SVEP1: variants seen among roughly 807,000 people sequenced by gnomAD.
The protein encoded by SVEP1 is sushi, von Willebrand factor type A, EGF and pentraxin domain containing 1, also known as sushi, von Willebrand factor type A, EGF and pentraxin domain-containing protein 1.
Under a neutral mutation model 367.3 loss-of-function variants are expected in SVEP1, and 164 were observed. The ratio of observed to expected loss-of-function variants is 0.45; its 90% confidence interval spans 0.39 to 0.51. The LOEUF is 0.51. Among genes scored for constraint, SVEP1 ranks in the 20% least tolerant of loss-of-function variants. The pLI is 0.00. For synonymous variants in SVEP1, 1,666 were observed against 1,611.6 expected, an observed-to-expected ratio of 1.03 and a Z score of -0.81; for missense variants, 4,117 against 4,425.3, an observed-to-expected ratio of 0.93 and a Z score of 1.98.
chr9:110,515,343 C>A (rs1445709912), intron 3 of SVEP1, among the ~76,000 whole-genome samples: 1 of 145,808 alleles, frequency 6.9e-6, no homozygotes, highest in African/African-American at 2.6e-5. Flanking sequence ...CTCTGTCCCC[C>A]AGGCTGGAGT....
At chr9:110,390,037 A>G (rs920982277) in intron 40 of SVEP1, among the ~76,000 whole-genome samples, 43 of 103,726 alleles carry the variant, frequency 4.1e-4, no homozygotes, top group Middle Eastern at 4.8e-3. Context: ...GTATATATAT[A>G]TAAGTATATA....
Position 110,503,122 on chromosome 9 carries a change from C to G in SVEP1, c.1399G>C (p.Asp467His). ...LYKTTCLVAC[D>H]EGYRLEGSDK... is the part of the protein sequence containing the mutation. ...CTGCCTTCTAGTCTGTACCCTTCAT[C>G]ACAGGCAACCAAACATGTTGTCTTA... Residue 467 changes from aspartate (D) to histidine (H), a missense_variant, in exon 6 of 48, where the codon GAT (aspartate) becomes CAT (histidine). Coordinates refer to ENST00000374469, the MANE Select transcript of SVEP1 (RefSeq NM_153366.4). 6.2e-7 allele frequency: 1 copy of G among 1,612,816 alleles called. No individual in the cohort carries two copies. The highest frequency in any genetic ancestry group is 8.5e-7 in the Non-Finnish European group (1 of 1,179,028).
chr9:110,561,138 A>G (rs1020959545), intron 1 of SVEP1, among the ~76,000 whole-genome samples: 12 of 151,998 alleles, frequency 7.9e-5, no homozygotes, highest in African/African-American at 2.4e-4. Context: ...AGCTACACCA[A>G]TCCATTTGGA....
chr9:110,499,236 G>A lies in SVEP1; in HGVS notation c.1486C>T (p.Arg496Cys), dbSNP rs760080901. 3.6e-5 allele frequency: 58 copies of A among 1,610,006 alleles called. No homozygotes were observed. Among genetic ancestry groups the A allele is most frequent in the Middle Eastern group, 3.3e-4 (2 of 6,064 alleles). Residue 496 changes from arginine to cysteine, a missense_variant and splice_region_variant, in exon 7 of 48, where the codon CGC (arginine) becomes TGC (cysteine). Physicochemically the swap from Arg to Cys is radical, Grantham distance 180. Around this residue, in one of 4 missense-constraint regions of SVEP1, gnomAD observed 2,174 missense variants for 2,494.3 expected, o/e 0.87. Coordinates refer to ENST00000374469, the MANE Select transcript of SVEP1 (RefSeq NM_153366.4). Reference protein sequence around the residue: ...WDGPEPRCVERHCSTFQMPKD... With the variant: ...WDGPEPRCVECHCSTFQMPKD... ...GGCATCTGAAAGGTGGAACAGTGGC[G>A]CTCTACGGTAGGGAAACAGAGAGAA...
intron 22 of SVEP1, among the ~76,000 whole-genome samples, chr9:110,452,697 C>G (rs111988591): frequency 6.6e-6 from 1 of 152,160 alleles, no homozygotes; most frequent in African/African-American, 2.4e-5. Flanking sequence ...GCAAGCCACA[C>G]GCTTTGGTGT....
Position 110,489,816 on chromosome 9 carries a change from C to A in SVEP1, c.1801-37G>T. On this transcript the variant is annotated intron_variant, in intron 8 of 47. Coordinates refer to ENST00000374469, the MANE Select transcript of SVEP1 (RefSeq NM_153366.4). ...ACACAAATATTTTGAAAGTTAATGT[C>A]AAAAGTGCGTTTATTCTTTTCTGAT... The A allele has an allele frequency of 1.9e-6, 3 of 1,578,032 alleles. No individual in the cohort carries two copies. The South Asian group carries it at 3.6e-5, about 19-fold the overall frequency.
At chr9:110,532,628 A>C (rs1830034680) in intron 3 of SVEP1, among the ~76,000 whole-genome samples, 1 of 152,180 alleles carries the variant, frequency 6.6e-6, no homozygotes, top group South Asian at 2.1e-4. Flanking sequence ...AAAGTTTTTA[A>C]AAAGAATTAC....
intron 15 of SVEP1, 40 bp downstream of exon 15, chr9:110,472,119 T>C (rs1829027891): frequency 1.3e-6 from 2 of 1,567,816 alleles, no homozygotes; most frequent in East Asian, 2.3e-5. Flanking sequence ...CCAAGAATTT[T>C]CCATTATATT....
intron 27 of SVEP1, among the ~76,000 whole-genome samples, chr9:110,438,550 G>A (rs933540849): frequency 6.6e-6 from 1 of 152,094 alleles, no homozygotes; most frequent in African/African-American, 2.4e-5. Flanking sequence ...AGCATAATTT[G>A]CTTCATTAAT....
At chr9:110,564,245 G>C (rs1705001198) in intron 1 of SVEP1, among the ~76,000 whole-genome samples, 1 of 152,210 alleles carries the variant, frequency 6.6e-6, no homozygotes, top group Non-Finnish European at 1.5e-5. Flanking sequence ...GAGATTGGGA[G>C]AATTCAAGTG....
chr9:110,391,053 C>T (rs1299355590), intron 40 of SVEP1, among the ~76,000 whole-genome samples: 3 of 151,984 alleles, frequency 2.0e-5, no homozygotes, highest in South Asian at 2.1e-4. Context: ...AAATTATAAC[C>T]ATAACATTAT....
At chr9:110,508,516 C>T (rs768436990) in intron 5 of SVEP1, among the ~76,000 whole-genome samples, 5 of 151,956 alleles carry the variant, frequency 3.3e-5, no homozygotes, top group African/African-American at 4.8e-5. Context: ...AATCCCGGCA[C>T]TTTGGGAGGC....
At chr9:110,439,534 C>T (rs1459539110) in intron 27 of SVEP1, among the ~76,000 whole-genome samples, 1 of 151,956 alleles carries the variant, frequency 6.6e-6, no homozygotes, top group Non-Finnish European at 1.5e-5. Flanking sequence ...GCTGGGATTA[C>T]AGGCACCTGC....
chr9:110,542,915 G>A (rs368360906), intron 3 of SVEP1, among the ~76,000 whole-genome samples: 1 of 149,628 alleles, frequency 6.7e-6, no homozygotes, highest in African/African-American at 2.5e-5. Flanking sequence ...GTATACGTAT[G>A]TAACAAACCT....
chr9:110,492,850 C>T (rs1030984253), intron 8 of SVEP1, among the ~76,000 whole-genome samples: 1 of 152,032 alleles, frequency 6.6e-6, no homozygotes, highest in Non-Finnish European at 1.5e-5. Context: ...AGATTCACCC[C>T]AATGTGAGGA....
intron 7 of SVEP1, among the ~76,000 whole-genome samples, chr9:110,498,643 C>T (rs1487239495): frequency 1.3e-5 from 2 of 152,140 alleles, no homozygotes; most frequent in East Asian, 1.9e-4. Flanking sequence ...GCGGTCTGCT[C>T]TTGTTGCAGA....
intron 47 of SVEP1, 89 bp from the exon 48 acceptor site, chr9:110,366,649 G>C (rs1185471940): frequency 5.3e-6 from 7 of 1,329,722 alleles, no homozygotes; most frequent in African/African-American, 1.5e-5. Context: ...GATGAAAACA[G>C]GATTGAAAGT....
At chr9:110,562,939 G>T (rs1830449722) in intron 1 of SVEP1, among the ~76,000 whole-genome samples, 1 of 152,030 alleles carries the variant, frequency 6.6e-6, no homozygotes, top group African/African-American at 2.4e-5. Flanking sequence ...TGATCCAACT[G>T]CTTCAGTCTC....
chr9:110,431,151 TG>T (rs1228411053), intron 32 of SVEP1, among the ~76,000 whole-genome samples: 1 of 152,198 alleles, frequency 6.6e-6, no homozygotes, highest in African/African-American at 2.4e-5. Flanking sequence ...AGCATAAAGA[TG>T]TATGTCCAAA....
Sources: gnomAD v4.1 joint callset for allele counts (sites outside exome capture counted in the v4.1 genomes callset) on GRCh38, gnomAD v4.1.1 for gene constraint, gnomAD v4.1.1 regional missense constraint, MANE v1.5 for transcripts, NCBI Gene and HGNC (gene_info 2026-07-23, HGNC 2026-07-21) for gene names.